Variants in TBC1D5 observed in about 807,000 individuals in gnomAD.
TBC1D5 encodes the protein TBC1 domain family, member 5.
Under a neutral mutation model 100.3 loss-of-function variants are expected in TBC1D5, and 75 were observed. The observed-to-expected ratio is 0.75, with a 90% CI of 0.62 to 0.91. The LOEUF is 0.91. Among genes scored for constraint, TBC1D5 ranks in the 40% least tolerant of loss-of-function variants. The pLI is 0.00. For synonymous variants in TBC1D5, 323 were observed against 325.6 expected, an observed-to-expected ratio of 0.99 and a Z score of 0.09; for missense variants, 910 against 942.4, an observed-to-expected ratio of 0.97 and a Z score of 0.45.
chr3:17,194,835 T>C (rs2070437185), intron 18 of TBC1D5, among the ~76,000 whole-genome samples: 1 of 152,202 alleles, frequency 6.6e-6, no homozygotes, highest in Non-Finnish European at 1.5e-5. Context: ...TCCTAGAAGT[T>C]GCCTACAAAA....
At position 17,535,218 on chromosome 3, in the gene TBC1D5, G is replaced by C. The variant is rs557685218; in HGVS notation, c.-35-26613C>G. Among the ~76,000 whole-genome samples the C allele has an allele frequency of 4.6e-5, 7 of 152,242 alleles. No individual in the cohort carries two copies. In the East Asian group the frequency reaches 1.2e-3, roughly 25 times the overall value. On this transcript the variant is annotated intron_variant, in intron 2 of 21. Transcript: ENST00000253692. Reference sequence around the variant, plus strand: ...AGGGTTGTATCAGAAATTAAACACAGAGAGAAGAAACTTCATATATTTCAT... The same window carrying C: ...AGGGTTGTATCAGAAATTAAACACACAGAGAAGAAACTTCATATATTTCAT...
At chr3:17,588,254 G>GAAAAAAAAAAA (rs556546467) in intron 2 of TBC1D5, among the ~76,000 whole-genome samples, 1 of 74,094 alleles carries the variant, frequency 1.3e-5, no homozygotes, top group Non-Finnish European at 3.1e-5. Context: ...CAAGAAAGGA[G>GAAAAAAAAAAA]AAAAAAAAAA....
chr3:17,734,325 A>C (rs771122134), intron 1 of TBC1D5, among the ~76,000 whole-genome samples: 3 of 152,224 alleles, frequency 2.0e-5, no homozygotes, highest in Non-Finnish European at 4.4e-5. Flanking sequence ...AAATACAGTG[A>C]GACAGAATAG....
intron 15 of TBC1D5, among the ~76,000 whole-genome samples, chr3:17,264,904 TA>T (rs1341711491): frequency 6.6e-6 from 1 of 152,222 alleles, no homozygotes; most frequent in Non-Finnish European, 1.5e-5. Context: ...TTTGACGACC[TA>T]AAATTCATGA....
intron 13 of TBC1D5, among the ~76,000 whole-genome samples, chr3:17,363,657 C>T (rs2091901609): frequency 1.3e-5 from 2 of 151,666 alleles, no homozygotes; most frequent in Non-Finnish European, 2.9e-5. Context: ...AAGATATCTT[C>T]CCGCCACGAC....
intron 14 of TBC1D5, among the ~76,000 whole-genome samples, chr3:17,306,963 A>C (rs560404634): frequency 6.6e-6 from 1 of 152,268 alleles, no homozygotes; most frequent in African/African-American, 2.4e-5. Context: ...GAAAACCTAA[A>C]CTATTTGACC....
chr3:17,287,596 C>T (rs1422710120), intron 15 of TBC1D5, among the ~76,000 whole-genome samples: 2 of 152,234 alleles, frequency 1.3e-5, no homozygotes, highest in Admixed American at 6.5e-5. Context: ...GGAAAGATAA[C>T]CTGCTCTGCC....
At chr3:17,578,703 C>T (rs2096672911) in intron 2 of TBC1D5, among the ~76,000 whole-genome samples, 1 of 151,990 alleles carries the variant, frequency 6.6e-6, no homozygotes, top group African/African-American at 2.4e-5. Flanking sequence ...AATTAAAATA[C>T]ATGCTCATCA....
chr3:17,713,199 T>TGG (rs1276413548), intron 1 of TBC1D5, among the ~76,000 whole-genome samples: 1 of 152,036 alleles, frequency 6.6e-6, no homozygotes, highest in African/African-American at 2.4e-5. Context: ...ATAGATAAAC[T>TGG]GGGTATCATC....
At chr3:17,298,486 G>A (rs942592877) in intron 14 of TBC1D5, among the ~76,000 whole-genome samples, 6 of 152,150 alleles carry the variant, frequency 3.9e-5, no homozygotes, top group African/African-American at 9.7e-5. Flanking sequence ...TTTAGGGTCA[G>A]TGAGGTGTCG....
chr3:17,599,270 C>T (rs1227308124), intron 2 of TBC1D5, among the ~76,000 whole-genome samples: 2 of 152,118 alleles, frequency 1.3e-5, no homozygotes, highest in African/African-American at 2.4e-5. Flanking sequence ...CAAAACCACC[C>T]TGGCCCACCA....
intron 19 of TBC1D5, among the ~76,000 whole-genome samples, chr3:17,183,555 C>T (rs2068684736): frequency 2.6e-5 from 4 of 152,130 alleles, no homozygotes; most frequent in Admixed American, 2.6e-4. Context: ...AGAGATACTA[C>T]CCTATCAATC....
In TBC1D5 at chr3:17,599,340, G is replaced by A. The variant is rs141262985; in HGVS notation, c.-36+24509C>T. ...TCCACTGACACAAGAGCAGAGAGGC[G>A]CAGCAGAGGAGGAGAGAAGAGAATA... On this transcript the variant is annotated intron_variant, in intron 2 of 21. Transcript: ENST00000253692. Among the ~76,000 whole-genome samples the A allele has an allele frequency of 3.8e-3, 584 of 152,194 alleles. 3 individuals are homozygous for A. The highest frequency in any genetic ancestry group is 0.014 in the Middle Eastern group (4 of 294).
intron 2 of TBC1D5, among the ~76,000 whole-genome samples, chr3:17,518,684 T>G (rs2096022959): frequency 6.6e-6 from 1 of 152,256 alleles, no homozygotes; most frequent in South Asian, 2.1e-4. Context: ...TTCTTTGCCC[T>G]TCCTGGCAGA....
chr3:17,711,658 T>A (rs144883117), intron 1 of TBC1D5, among the ~76,000 whole-genome samples: 16 of 152,350 alleles, frequency 1.1e-4, no homozygotes, highest in African/African-American at 3.8e-4. Context: ...TCATTAAATA[T>A]TATGTTTCTA....
chr3:17,300,457 C>T (rs568388526), intron 14 of TBC1D5, among the ~76,000 whole-genome samples: 1 of 152,194 alleles, frequency 6.6e-6, no homozygotes, highest in Non-Finnish European at 1.5e-5. Flanking sequence ...AATAGAAATT[C>T]TGGGTTAGGA....
chr3:17,726,630 T>C (rs1455507986), intron 1 of TBC1D5, among the ~76,000 whole-genome samples: 2 of 152,220 alleles, frequency 1.3e-5, no homozygotes, highest in South Asian at 2.1e-4. Context: ...GTTGGATGGA[T>C]AGTTTAGAAA....
At chr3:17,701,324 TA>T (rs879036826) in intron 1 of TBC1D5, among the ~76,000 whole-genome samples, 1 of 151,942 alleles carries the variant, frequency 6.6e-6, no homozygotes, top group East Asian at 1.9e-4. Context: ...TGGGGCCTGT[TA>T]GGGGGTAGGG....
exon 22 of TBC1D5, chr3:17,157,238 AATCAGT>A (rs2065659924): frequency 6.6e-6 from 1 of 152,248 alleles, no homozygotes; most frequent in Non-Finnish European, 1.5e-5. Context: ...TCATTTCTTA[AATCAGT>A]ATGAGTTATA....
Sources: allele counts gnomAD v4.1 joint callset (sites outside exome capture counted in the v4.1 genomes callset), GRCh38; gene constraint gnomAD v4.1.1; transcripts MANE v1.5; gene names NCBI Gene and HGNC (gene_info 2026-07-23, HGNC 2026-07-21).